Variants in LDB2 observed in about 807,000 individuals in gnomAD.
LDB2 encodes the protein LIM domain binding 2.
LDB2 carries 12 observed loss-of-function variants against 44.3 expected under a neutral mutation model. That is an observed-to-expected ratio of 0.27 (90% confidence interval 0.17 to 0.44). The LOEUF (loss-of-function observed/expected upper bound fraction) is 0.44. Ranked by LOEUF, LDB2 falls within the 20% of genes least tolerant of loss-of-function variation. The probability of loss-of-function intolerance (pLI) is 1.00; values close to 1 mark genes in which losing one functional copy is unlikely to be tolerated. For synonymous variants in LDB2, 164 were observed against 174.8 expected, an observed-to-expected ratio of 0.94 and a Z score of 0.49; for missense variants, 344 against 473.5, an observed-to-expected ratio of 0.73 and a Z score of 2.54.
intron 2 of LDB2, among the ~76,000 whole-genome samples, chr4:16,672,835 C>CTTT (rs1553955153): frequency 6.7e-6 from 1 of 149,716 alleles, no homozygotes; most frequent in African/African-American, 2.5e-5. Context: ...TGCCTTCTTT[C>CTTT]CTTCCTTCCT....
intron 1 of LDB2, among the ~76,000 whole-genome samples, chr4:16,768,000 G>A (rs1769737509): frequency 6.6e-6 from 1 of 152,034 alleles, no homozygotes; most frequent in Non-Finnish European, 1.5e-5. Context: ...CCAAAAACAG[G>A]ATCCCGGTGC....
chr4:16,845,986 G>A (rs985459045), intron 1 of LDB2, among the ~76,000 whole-genome samples: 3 of 151,986 alleles, frequency 2.0e-5, no homozygotes, highest in Admixed American at 2.0e-4. Context: ...GCATGCGCCT[G>A]TAGTCCCAGC....
At chr4:16,730,446 G>T (rs193247560) in intron 2 of LDB2, among the ~76,000 whole-genome samples, 69 of 152,202 alleles carry the variant, frequency 4.5e-4, no homozygotes, top group African/African-American at 1.6e-3. Flanking sequence ...GAGTCAATTA[G>T]GCATGATAAA....
chr4:16,668,153 A>T (rs1743807353), intron 2 of LDB2, among the ~76,000 whole-genome samples: 1 of 150,418 alleles, frequency 6.6e-6, no homozygotes, highest in Non-Finnish European at 1.5e-5. Flanking sequence ...ATATACGATA[A>T]ATATATATAT....
rs554902834 is a variant in LDB2, at chr4:16,885,050, T to G, written c.132+13304A>C. Reference sequence around the variant, plus strand: ...AAGCATACGTGTATGAGGCTTATTTTTAAAAAGCATATTACTCATGTAAAA... The same window carrying G: ...AAGCATACGTGTATGAGGCTTATTTGTAAAAAGCATATTACTCATGTAAAA... On this transcript the variant is annotated intron_variant, in intron 1 of 7. Coordinates refer to ENST00000304523, the MANE Select transcript of LDB2 (RefSeq NM_001290.5). Among the ~76,000 whole-genome samples the G allele has an allele frequency of 2.0e-5, 3 of 151,718 alleles. No homozygotes were observed. The East Asian group carries it at 5.8e-4, about 29-fold the overall frequency.
At chr4:16,646,124 T>C (rs1332292832) in intron 2 of LDB2, among the ~76,000 whole-genome samples, 3 of 152,210 alleles carry the variant, frequency 2.0e-5, no homozygotes, top group South Asian at 2.1e-4. Flanking sequence ...ATGTGTAAAA[T>C]CAATAGACTA....
At chr4:16,705,532 A>G (rs1754407678) in intron 2 of LDB2, among the ~76,000 whole-genome samples, 1 of 152,146 alleles carries the variant, frequency 6.6e-6, no homozygotes, top group Non-Finnish European at 1.5e-5. Flanking sequence ...AGGAAATTCA[A>G]TCTGTGGCCT....
chr4:16,577,829 A>C (rs1712380891), intron 5 of LDB2, among the ~76,000 whole-genome samples: 1 of 152,198 alleles, frequency 6.6e-6, no homozygotes, highest in South Asian at 2.1e-4. Flanking sequence ...ACAGAGATAT[A>C]GTAACTAAAA....
intron 1 of LDB2, among the ~76,000 whole-genome samples, chr4:16,812,750 GATTA>G (rs1036632300): frequency 1.7e-4 from 25 of 150,890 alleles, no homozygotes; most frequent in African/African-American, 5.8e-4. Context: ...GGACTGGAAA[GATTA>G]ATTAAAGAGA....
At position 16,764,421 on chromosome 4, in the gene LDB2, C is replaced by A. The variant is rs537296385; in HGVS notation, c.133-5161G>T. Among the ~76,000 whole-genome samples, 60 of 152,020 alleles carry A rather than the reference C, an allele frequency of 3.9e-4. 1 individual carries two copies. Among genetic ancestry groups the A allele is most frequent in the African/African-American group, 1.4e-3 (56 of 41,474 alleles). ...AGTGGCTGAAATACAGCTAAGACCT[C>A]TGCTGAGCCAAATAGAAGTCTCTGG... On this transcript the variant is annotated intron_variant, in intron 1 of 7. Transcript: ENST00000304523.
chr4:16,585,761 C>T (rs111394119), intron 5 of LDB2, among the ~76,000 whole-genome samples, 161 bp downstream of exon 5: 11 of 151,162 alleles, frequency 7.3e-5, no homozygotes, highest in African/African-American at 2.7e-4. Context: ...TAAACCCTGT[C>T]CTCCATTGAA....
At chr4:16,860,228 T>C (rs1712064716) in intron 1 of LDB2, among the ~76,000 whole-genome samples, 2 of 152,310 alleles carry the variant, frequency 1.3e-5, no homozygotes, top group Non-Finnish European at 1.5e-5. Flanking sequence ...TAATGCGCAA[T>C]TTATCTGCAC....
At chr4:16,542,652 A>G (rs780103940) in intron 5 of LDB2, among the ~76,000 whole-genome samples, 4 of 152,178 alleles carry the variant, frequency 2.6e-5, no homozygotes, top group African/African-American at 4.8e-5. Flanking sequence ...TTGCAATACA[A>G]TGTTGAAGTC....
chr4:16,587,526 G>C (rs942795158), intron 4 of LDB2, among the ~76,000 whole-genome samples: 3 of 152,146 alleles, frequency 2.0e-5, no homozygotes, highest in African/African-American at 7.2e-5. Context: ...AAAGAGAGTG[G>C]AGAATGTAAA....
At chr4:16,650,870 C>G (rs1560758701) in intron 2 of LDB2, among the ~76,000 whole-genome samples, 2 of 152,232 alleles carry the variant, frequency 1.3e-5, no homozygotes, top group African/African-American at 4.8e-5. Context: ...ACAGGTATCA[C>G]TTCTCTCTCA....
chr4:16,714,595 GGTA>G (rs1363841843), intron 2 of LDB2, among the ~76,000 whole-genome samples: 11 of 152,078 alleles, frequency 7.2e-5, no homozygotes. Flanking sequence ...AGCCCAGCCT[GGTA>G]GTTTCCTGTC....
intron 6 of LDB2, among the ~76,000 whole-genome samples, chr4:16,511,155 G>C (rs1165273177): frequency 6.6e-6 from 1 of 152,126 alleles, no homozygotes; most frequent in African/African-American, 2.4e-5. Context: ...ACCAGCCGAA[G>C]GTGACCATTA....
chr4:16,553,355 T>A (rs1009477250), intron 5 of LDB2, among the ~76,000 whole-genome samples: 1 of 152,024 alleles, frequency 6.6e-6, no homozygotes, highest in Non-Finnish European at 1.5e-5. Context: ...ATAGATAGGA[T>A]CTTGCTATGT....
chr4:16,849,145 T>G (rs1787677391), intron 1 of LDB2, among the ~76,000 whole-genome samples: 1 of 152,186 alleles, frequency 6.6e-6, no homozygotes, highest in South Asian at 2.1e-4. Flanking sequence ...TTTTTTTCCC[T>G]CTGTCTTTCT....
Sources: gnomAD v4.1 joint callset for allele counts (sites outside exome capture counted in the v4.1 genomes callset) on GRCh38, gnomAD v4.1.1 for gene constraint, MANE v1.5 for transcripts, NCBI Gene and HGNC (gene_info 2026-07-23, HGNC 2026-07-21) for gene names.